The following TMOD3 variants were observed in gnomAD, a reference collection of about 807,000 sequenced individuals.
TMOD3 encodes tropomodulin 3.
A neutral mutation model predicts 39.2 loss-of-function variants in TMOD3; 20 were observed. That is an observed-to-expected ratio of 0.51 (90% CI 0.36 to 0.74). The LOEUF is 0.74. Ranked by LOEUF, TMOD3 falls within the 30% of genes least tolerant of loss-of-function variation. The pLI is 0.00. For missense variants in TMOD3, 381 were observed against 412.8 expected (o/e 0.92, Z 0.67); for synonymous variants, 143 against 145.8 (o/e 0.98, Z 0.14).
At chr15:51,851,134 G>A (rs1358933421) in intron 1 of TMOD3, among the ~76,000 whole-genome samples, 2 of 152,126 alleles carry the variant, frequency 1.3e-5, no homozygotes, top group Non-Finnish European at 2.9e-5. Flanking sequence ...TAAGGATAAG[G>A]ACTGCTGGGG....
intron 1 of TMOD3, among the ~76,000 whole-genome samples, chr15:51,861,825 T>C (rs2056420649): frequency 6.6e-6 from 1 of 151,966 alleles, no homozygotes; most frequent in South Asian, 2.1e-4. Context: ...ACCTGGCTGA[T>C]GTTTTGTATT....
chr15:51,909,068 A>T lies in TMOD3; in HGVS notation c.*258A>T. 1 of 322,478 alleles carries T rather than the reference A, an allele frequency of 3.1e-6. No individual in the cohort carries two copies. The highest frequency in any genetic ancestry group is 5.6e-6 in the Non-Finnish European group (1 of 178,436). The allele number at this position is 322,478 out of a possible 1,614,324, so 20.0% of individuals were successfully genotyped here. A position where few individuals can be genotyped will look rare whatever the true frequency, so the allele number is the denominator to read the frequency against. ...TTTATGATGAATCTTGGGCAAAAAAATACAACTGTAAAAAATTTCACAGGT... is the reference window on the plus strand; with the variant it reads ...TTTATGATGAATCTTGGGCAAAAAATTACAACTGTAAAAAATTTCACAGGT... On this transcript the variant is annotated 3_prime_UTR_variant, in exon 10 of 10. Coordinates refer to ENST00000308580, the MANE Select transcript of TMOD3 (RefSeq NM_014547.5).
chr15:51,876,132 T>C (rs1595901654), intron 3 of TMOD3, among the ~76,000 whole-genome samples: 1 of 152,284 alleles, frequency 6.6e-6, no homozygotes, highest in Admixed American at 6.5e-5. Context: ...GTATATCTTT[T>C]CTATTTGTCC....
At chr15:51,848,274 G>T (rs1396469076) in intron 1 of TMOD3, among the ~76,000 whole-genome samples, 1 of 152,128 alleles carries the variant, frequency 6.6e-6, no homozygotes, top group Non-Finnish European at 1.5e-5. Context: ...TTATAAAAAG[G>T]AAATGACCTT....
intron 6 of TMOD3, among the ~76,000 whole-genome samples, chr15:51,894,689 T>C (rs1172419805): frequency 6.6e-6 from 1 of 152,196 alleles, no homozygotes; most frequent in Non-Finnish European, 1.5e-5. Context: ...GCCTTTTGGG[T>C]CTGGCTTCTT....
intron 9 of TMOD3, among the ~76,000 whole-genome samples, chr15:51,906,582 T>C (rs766687823): frequency 1.2e-4 from 19 of 152,234 alleles, no homozygotes; most frequent in Non-Finnish European, 2.9e-5. Context: ...GTTAACTGCA[T>C]ATTCCATTTT....
intron 2 of TMOD3, among the ~76,000 whole-genome samples, chr15:51,864,493 C>T (rs941882626): frequency 3.9e-5 from 6 of 152,048 alleles, no homozygotes; most frequent in Non-Finnish European, 8.8e-5. Flanking sequence ...GGATGACACA[C>T]ACTGAAACTA....
chr15:51,839,651 A>G (rs886874059), intron 1 of TMOD3, among the ~76,000 whole-genome samples: 6 of 151,842 alleles, frequency 4.0e-5, no homozygotes, highest in Admixed American at 3.9e-4. Flanking sequence ...AGCTCAAACA[A>G]TCCTCCTGCC....
Position 51,889,250 on chromosome 15 carries a change from A to G in TMOD3, c.496+105A>G, listed in dbSNP as rs904289650. ...CACATACTAGATGTTATATATATGT[A>G]CTTGAAACCTGACATTTCAGTTTGG... On this transcript the variant is annotated intron_variant, in intron 5 of 9. Coordinates refer to ENST00000308580, the MANE Select transcript of TMOD3 (RefSeq NM_014547.5). The G allele has an allele frequency of 5.2e-5, 36 of 691,814 alleles. No homozygotes were observed. The African/African-American group carries it at 5.8e-4, about 11-fold the overall frequency. The allele number at this position is 691,814 out of a possible 1,614,324, so 42.9% of individuals were successfully genotyped here.
In TMOD3 at chr15:51,913,790, A is replaced by G. The variant is rs1346333105; in HGVS notation, c.*4980A>G. ...CACTTTGGAAAGCCGAGGCCGACGG[A>G]TCACTTGAGCTCAGGAGTTTGAGAC... On this transcript the variant is annotated 3_prime_UTR_variant, in exon 10 of 10. Transcript: ENST00000308580. The G allele has an allele frequency of 6.6e-6, 1 of 152,184 alleles. No homozygotes were observed. The highest frequency in any genetic ancestry group is 2.4e-5 in the African/African-American group (1 of 41,446). The allele number at this position is 152,184 out of a possible 1,614,324, so 9.4% of individuals were successfully genotyped here.
intron 7 of TMOD3, chr15:51,899,211 A>G (rs2056636650): frequency 6.6e-6 from 1 of 152,202 alleles, no homozygotes; most frequent in South Asian, 2.1e-4. Context: ...ATAAGAAAAG[A>G]TGTTACAGCG....
intron 3 of TMOD3, among the ~76,000 whole-genome samples, chr15:51,887,378 G>A (rs1272346572): frequency 1.3e-4 from 20 of 151,732 alleles, no homozygotes. Flanking sequence ...TTCCACAGAT[G>A]AAAAATTTCT....
chr15:51,830,121 C>G (rs2056246943), intron 1 of TMOD3, among the ~76,000 whole-genome samples: 3 of 152,122 alleles, frequency 2.0e-5, no homozygotes, highest in Admixed American at 6.5e-5. Flanking sequence ...GGGTTCGGGA[C>G]CGGCCCCCTC....
intron 1 of TMOD3, among the ~76,000 whole-genome samples, chr15:51,831,266 A>G (rs1006016210): frequency 1.3e-5 from 2 of 152,222 alleles, no homozygotes; most frequent in South Asian, 2.1e-4. Flanking sequence ...CAATATGCCA[A>G]CCTACATTGT....
At chr15:51,838,416 C>T (rs2056297058) in intron 1 of TMOD3, among the ~76,000 whole-genome samples, 1 of 152,070 alleles carries the variant, frequency 6.6e-6, no homozygotes, top group African/African-American at 2.4e-5. Flanking sequence ...CACAAACCCA[C>T]TTAAGCTATC....
intron 2 of TMOD3, among the ~76,000 whole-genome samples, chr15:51,864,780 T>G (rs1214953734): frequency 6.6e-6 from 1 of 152,016 alleles, no homozygotes; most frequent in African/African-American, 2.4e-5. Flanking sequence ...TCTGGGTGAT[T>G]TAGGGGGAGG....
At chr15:51,861,858 C>T (rs1475719166) in intron 1 of TMOD3, among the ~76,000 whole-genome samples, 1 of 151,996 alleles carries the variant, frequency 6.6e-6, no homozygotes, top group Non-Finnish European at 1.5e-5. Flanking sequence ...GCCCAGGCTG[C>T]TCTTAAACTC....
intron 1 of TMOD3, among the ~76,000 whole-genome samples, chr15:51,851,782 G>A (rs752001500): frequency 6.6e-5 from 10 of 152,068 alleles, no homozygotes; most frequent in African/African-American, 1.4e-4. Context: ...ACAGCCAACC[G>A]CTGTGTTTCC....
chr15:51,844,177 T>G (rs1357202466), intron 1 of TMOD3, among the ~76,000 whole-genome samples: 2 of 152,214 alleles, frequency 1.3e-5, no homozygotes, highest in African/African-American at 4.8e-5. Flanking sequence ...CTCTCCCTTG[T>G]ATTCTCAGCT....
Sources: allele counts gnomAD v4.1 joint callset (sites outside exome capture counted in the v4.1 genomes callset), GRCh38; gene constraint gnomAD v4.1.1; transcripts MANE v1.5; gene names NCBI Gene and HGNC (gene_info 2026-07-23, HGNC 2026-07-21).